Variants in HEATR4 observed in about 807,000 individuals in gnomAD.
HEATR4 encodes the protein HEAT repeat-containing protein 4.
HEATR4 carries 95 observed loss-of-function variants against 108.8 expected under a neutral mutation model. The observed-to-expected ratio is 0.87, with a 90% CI of 0.74 to 1.04. The LOEUF (loss-of-function observed/expected upper bound fraction) is 1.04, where lower values mean the gene tolerates loss of function less well. HEATR4 is among the 50% of genes least tolerant of loss of function. The pLI, the probability that HEATR4 is intolerant of heterozygous loss-of-function variation, is 0.00. For synonymous variants in HEATR4, 443 were observed against 459.4 expected, an observed-to-expected ratio of 0.96 and a Z score of 0.46; for missense variants, 1,152 against 1,253.8, an observed-to-expected ratio of 0.92 and a Z score of 1.23.
Position 73,543,189 on chromosome 14 carries a change from A to G in HEATR4, c.-151-12945T>C, listed in dbSNP as rs768121293. 12 of 1,605,486 alleles carry G rather than the reference A, an allele frequency of 7.5e-6. No individual in the cohort carries two copies. Among genetic ancestry groups the G allele is most frequent in the Middle Eastern group, 1.7e-4 (1 of 6,038 alleles). ...GCCAATGTTGGGGGAACCTTACGCT[A>G]CAAGGGCGAGACCCTGCCCCCTGTG... On this transcript the variant is annotated intron_variant, in intron 1 of 17. Transcript: ENST00000553558.
chr14:73,625,239 T>C, the HEATR4 span, among the ~76,000 whole-genome samples: 1 of 152,096 alleles, frequency 6.6e-6, no homozygotes, highest in Non-Finnish European at 1.5e-5. Context: ...TTTGTATTTT[T>C]AGTAGAGACG....
At chr14:73,615,073 A>C in the HEATR4 span, among the ~76,000 whole-genome samples, 3 of 134,564 alleles carry the variant, frequency 2.2e-5, no homozygotes, top group African/African-American at 8.7e-5. Context: ...TGGAGGACAG[A>C]GCAAGACTCC....
the HEATR4 span, among the ~76,000 whole-genome samples, chr14:73,589,054 A>T: frequency 6.6e-6 from 1 of 152,262 alleles, no homozygotes; most frequent in South Asian, 2.1e-4. Flanking sequence ...AGAATGGTAC[A>T]TTTGTTACAA....
intron 15 of HEATR4, 39 bp from the exon 16 acceptor site, chr14:73,495,426 AC>A (rs1340420446): frequency 1.3e-6 from 2 of 1,542,908 alleles, no homozygotes; most frequent in Admixed American, 3.4e-5. Flanking sequence ...ACAAAACAAA[AC>A]ACCTGTACTA....
At chr14:73,560,259 C>A (rs562547163), upstream of HEATR4, among the ~76,000 whole-genome samples, 100 of 152,208 alleles carry the variant, frequency 6.6e-4, 1 homozygote, top group South Asian at 1.7e-3. Context: ...TGGTTCCAAG[C>A]AAGACTGCTG....
chr14:73,589,287 T>A, the HEATR4 span, among the ~76,000 whole-genome samples: 1 of 151,600 alleles, frequency 6.6e-6, no homozygotes, highest in African/African-American at 2.4e-5. Flanking sequence ...TCTCCAATAC[T>A]TTTGCTTTCT....
At chr14:73,535,462 C>CTTCT (rs1888824917) in intron 1 of HEATR4, among the ~76,000 whole-genome samples, 2 of 59,332 alleles carry the variant, frequency 3.4e-5, no homozygotes, top group Admixed American at 2.5e-4. Flanking sequence ...TTTTCTTTTT[C>CTTCT]TTCTTTCTTT....
chr14:73,481,542 T>C (rs1329282256), intron 17 of HEATR4, among the ~76,000 whole-genome samples: 2 of 146,860 alleles, frequency 1.4e-5, no homozygotes, highest in Admixed American at 1.4e-4. Flanking sequence ...GACAAAGCTA[T>C]AGAGATAGTA....
chr14:73,486,468 C>T (rs1023318611), intron 17 of HEATR4, among the ~76,000 whole-genome samples: 17 of 152,176 alleles, frequency 1.1e-4, no homozygotes, highest in Admixed American at 2.0e-4. Flanking sequence ...GAGACTGAGG[C>T]AGGTGGCTTG....
chr14:73,624,458 C>T, the HEATR4 span, among the ~76,000 whole-genome samples: 5 of 151,938 alleles, frequency 3.3e-5, no homozygotes, highest in African/African-American at 9.7e-5. Flanking sequence ...AAAAATTAGC[C>T]GGGTGCAGTG....
chr14:73,516,823 C>T (rs561322089), intron 5 of HEATR4, among the ~76,000 whole-genome samples: 46 of 152,268 alleles, frequency 3.0e-4, no homozygotes, highest in Non-Finnish European at 5.6e-4. Flanking sequence ...GTCTAGGCTG[C>T]GCACCCTTTA....
chr14:73,589,957 G>A, the HEATR4 span, among the ~76,000 whole-genome samples: 2 of 152,168 alleles, frequency 1.3e-5, no homozygotes, highest in Non-Finnish European at 2.9e-5. Context: ...TGAGTTCGTG[G>A]TCTGGTAGGC....
At chr14:73,625,397 T>G in the HEATR4 span, among the ~76,000 whole-genome samples, 1 of 146,052 alleles carries the variant, frequency 6.8e-6, no homozygotes, top group Admixed American at 6.9e-5. Context: ...GTTTCACTCT[T>G]GTTGCCCAGG....
At chr14:73,499,297 A>C (rs1886284444) in intron 12 of HEATR4, among the ~76,000 whole-genome samples, 157 bp from the exon 13 acceptor site, 1 of 152,160 alleles carries the variant, frequency 6.6e-6, no homozygotes, top group Non-Finnish European at 1.5e-5. Flanking sequence ...CCTGGCCAAC[A>C]TGGTGAAACC....
At chr14:73,579,573 CAAAAAAAAAAAA>C in the HEATR4 span, among the ~76,000 whole-genome samples, 1 of 56,212 alleles carries the variant, frequency 1.8e-5, no homozygotes, top group African/African-American at 7.8e-5. Context: ...AAAGCCGTCT[CAAAAAAAAAAAA>C]AAAAAAAAAA....
the HEATR4 span, among the ~76,000 whole-genome samples, chr14:73,593,484 A>G: frequency 6.6e-6 from 1 of 150,528 alleles, no homozygotes; most frequent in Admixed American, 6.6e-5. Context: ...GACTACAGGC[A>G]TACACCACCA....
chr14:73,548,214 A>G lies in HEATR4; in HGVS notation c.-152+10537T>C, dbSNP rs1889265943. Among the ~76,000 whole-genome samples the G allele has an allele frequency of 1.7e-5, 2 of 116,274 alleles. 1 individual carries two copies. The highest frequency in any genetic ancestry group is 3.8e-5 in the Non-Finnish European group (2 of 53,090). The allele number at this position is 116,274 out of a possible 152,430, so 76.3% of individuals were successfully genotyped here. A position where few individuals can be genotyped will look rare whatever the true frequency, so the allele number is the denominator to read the frequency against. On this transcript the variant is annotated intron_variant, in intron 1 of 17. Transcript: ENST00000553558. ...GGTCCAGCTGCCAGCCACTTGTAAAAAGAAGCCAATATAATAAGAGTGAGG... is the reference window on the plus strand; with the variant it reads ...GGTCCAGCTGCCAGCCACTTGTAAAGAGAAGCCAATATAATAAGAGTGAGG...
chr14:73,538,716 A>T (rs1888968174), intron 1 of HEATR4, among the ~76,000 whole-genome samples: 1 of 109,052 alleles, frequency 9.2e-6, no homozygotes, highest in African/African-American at 3.0e-5. Flanking sequence ...GGTGGCTAAC[A>T]CCTGTAATCC....
chr14:73,500,713 CCTTGACCTAG>C lies in HEATR4; in HGVS notation c.2113_2122del (p.Leu705GlufsTer12). 1 of 1,613,952 alleles carries C rather than the reference CCTTGACCTAG, an allele frequency of 6.2e-7. No individual in the cohort carries two copies. The highest frequency in any genetic ancestry group is 1.1e-5 in the South Asian group (1 of 91,064). ...AGCTTCCACACGCTCCTGGGAATTT[CCTTGACCTAG>C]CTTGACCCTGTAAGGCACAAGTTGC... On this transcript the variant is annotated frameshift_variant, in exon 12 of 18. Transcript: ENST00000553558. LOFTEE classifies it high-confidence loss of function.
Sources: allele counts gnomAD v4.1 joint callset (sites outside exome capture counted in the v4.1 genomes callset), GRCh38; gene constraint gnomAD v4.1.1; transcripts MANE v1.5; gene names NCBI Gene and HGNC (gene_info 2026-07-23, HGNC 2026-07-21).